Variants in FMNL2 observed in about 807,000 individuals in gnomAD.
The protein encoded by FMNL2 is formin-like protein 2.
Under a neutral mutation model 130.2 loss-of-function variants are expected in FMNL2, and 51 were observed. That is an observed-to-expected ratio of 0.39 (90% confidence interval 0.31 to 0.49). The LOEUF is 0.49. Ranked by LOEUF, FMNL2 falls within the 20% of genes least tolerant of loss-of-function variation. The probability of loss-of-function intolerance (pLI) is 0.85; values close to 1 mark genes in which losing one functional copy is unlikely to be tolerated. For synonymous variants in FMNL2, 465 were observed against 467.1 expected, an observed-to-expected ratio of 1.00 and a Z score of 0.06; for missense variants, 977 against 1,316.2, an observed-to-expected ratio of 0.74 and a Z score of 3.99.
At chr2:152,645,645 T>G (rs1683485244) in intron 25 of FMNL2, 1 of 482,224 alleles carries the variant, frequency 2.1e-6, no homozygotes. Flanking sequence ...GTACCTCACA[T>G]TCCAATGATG....
At chr2:152,604,624 C>T (rs1459639183) in intron 9 of FMNL2, among the ~76,000 whole-genome samples, 1 of 151,948 alleles carries the variant, frequency 6.6e-6, no homozygotes, top group Non-Finnish European at 1.5e-5. Context: ...GAGACAGAGT[C>T]TCACTTTGTC....
At position 152,386,607 on chromosome 2, in the gene FMNL2, A is replaced by G. The variant is rs115551377; in HGVS notation, c.117+50887A>G. 6.5e-3 allele frequency among the ~76,000 whole-genome samples: 987 copies of G among 152,178 alleles called. 11 individuals carry two copies. The highest frequency in any genetic ancestry group is 7.7e-3 in the Non-Finnish European group (524 of 68,006). ...TTGATTTTCATGCTTTTCACCTTAT[A>G]TGTGTCTATCTGTTTTCCCTCTAGG... On this transcript the variant is annotated intron_variant, in intron 1 of 25. Coordinates refer to ENST00000288670, the MANE Select transcript of FMNL2 (RefSeq NM_052905.4).
chr2:152,340,879 A>G (rs1040446648), intron 1 of FMNL2, among the ~76,000 whole-genome samples: 7 of 152,020 alleles, frequency 4.6e-5, no homozygotes, highest in Admixed American at 3.9e-4. Flanking sequence ...TTTAGTAGAG[A>G]TGGGGTTTCA....
At chr2:152,541,232 C>T (rs991242640) in intron 2 of FMNL2, among the ~76,000 whole-genome samples, 5 of 152,066 alleles carry the variant, frequency 3.3e-5, no homozygotes, top group Admixed American at 6.5e-5. Context: ...TCAGGGCTCA[C>T]TGCAGCCTTA....
At chr2:152,589,940 C>CATATATATAT (rs771625998) in intron 9 of FMNL2, among the ~76,000 whole-genome samples, 15 of 66,998 alleles carry the variant, frequency 2.2e-4, no homozygotes, top group Non-Finnish European at 3.3e-4. Context: ...TGGCTTTATA[C>CATATATATAT]ATATATATAT....
chr2:152,406,512 T>A (rs1333246095), intron 1 of FMNL2, among the ~76,000 whole-genome samples: 1 of 152,210 alleles, frequency 6.6e-6, no homozygotes, highest in East Asian at 1.9e-4. Context: ...AGATATTTGA[T>A]AGCTCCATCA....
intron 1 of FMNL2, among the ~76,000 whole-genome samples, chr2:152,395,547 AGATGT>A (rs1457874666): frequency 3.3e-5 from 5 of 152,220 alleles, no homozygotes; most frequent in Non-Finnish European, 7.3e-5. Flanking sequence ...AAGTTAAATT[AGATGT>A]GATGTGATTT....
Position 152,335,588 on chromosome 2 carries a change from C to T in FMNL2, c.-16C>T. ...TAGGGGCCCGGAGCAGCCCCCGGCC[C>T]CGGCGCGCCGCCGACATGGGCAACG... On this transcript the variant is annotated 5_prime_UTR_variant, in exon 1 of 26. Transcript: ENST00000288670. 1 of 1,579,912 alleles carries T rather than the reference C, an allele frequency of 6.3e-7. No individual in the cohort carries two copies. Among genetic ancestry groups the T allele is most frequent in the Non-Finnish European group, 8.6e-7 (1 of 1,162,494 alleles).
intron 1 of FMNL2, among the ~76,000 whole-genome samples, chr2:152,517,546 A>G (rs903825532): frequency 6.6e-6 from 1 of 152,328 alleles, no homozygotes; most frequent in East Asian, 1.9e-4. Context: ...ATGAGAGGGT[A>G]TGTCTTCCTG....
At chr2:152,393,703 A>T (rs947930624) in intron 1 of FMNL2, among the ~76,000 whole-genome samples, 3 of 152,088 alleles carry the variant, frequency 2.0e-5, no homozygotes, top group Non-Finnish European at 2.9e-5. Context: ...CTATTTATTT[A>T]TTGGGTCTTA....
chr2:152,354,200 TG>T (rs1371745695), intron 1 of FMNL2, among the ~76,000 whole-genome samples: 1 of 152,216 alleles, frequency 6.6e-6, no homozygotes, highest in Non-Finnish European at 1.5e-5. Context: ...CTGAGCAGCT[TG>T]TTCACAATGA....
intron 1 of FMNL2, among the ~76,000 whole-genome samples, chr2:152,487,989 T>A (rs1690930939): frequency 1.3e-5 from 2 of 152,116 alleles, no homozygotes; most frequent in South Asian, 4.1e-4. Flanking sequence ...GGTTTCACCA[T>A]GGCTGGTGTT....
At chr2:152,546,995 G>A (rs914921628) in intron 3 of FMNL2, among the ~76,000 whole-genome samples, 2 of 150,906 alleles carry the variant, frequency 1.3e-5, no homozygotes, top group Non-Finnish European at 2.9e-5. Flanking sequence ...ACCCCGGATG[G>A]AGTGCAGTGG....
chr2:152,409,637 C>T (rs1272938934), intron 1 of FMNL2, among the ~76,000 whole-genome samples: 1 of 152,154 alleles, frequency 6.6e-6, no homozygotes, highest in Non-Finnish European at 1.5e-5. Flanking sequence ...CTAATGGTGA[C>T]TCTGGGTACA....
At chr2:152,517,638 G>A (rs1692848455) in intron 1 of FMNL2, among the ~76,000 whole-genome samples, 1 of 152,138 alleles carries the variant, frequency 6.6e-6, no homozygotes, top group Admixed American at 6.5e-5. Flanking sequence ...GGAAAGAAAG[G>A]AACAATTTTA....
At chr2:152,461,234 TG>T (rs1338223222) in intron 1 of FMNL2, among the ~76,000 whole-genome samples, 1 of 152,268 alleles carries the variant, frequency 6.6e-6, no homozygotes, top group African/African-American at 2.4e-5. Flanking sequence ...GTTAGATAGA[TG>T]GTGAAGAAAA....
intron 25 of FMNL2, chr2:152,643,307 C>A: frequency 6.9e-7 from 1 of 1,450,648 alleles, no homozygotes; most frequent in Admixed American, 2.1e-5. Flanking sequence ...CCCATCTTCC[C>A]CACCCCCATC....
At chr2:152,391,553 T>C (rs1685107514) in intron 1 of FMNL2, among the ~76,000 whole-genome samples, 1 of 151,988 alleles carries the variant, frequency 6.6e-6, no homozygotes, top group Non-Finnish European at 1.5e-5. Context: ...GGAATAGAGC[T>C]GTGTGCCAGG....
chr2:152,540,601 T>C (rs1361409771), intron 2 of FMNL2, among the ~76,000 whole-genome samples: 6 of 148,756 alleles, frequency 4.0e-5, no homozygotes, highest in Admixed American at 1.4e-4. Flanking sequence ...AAATATAGAT[T>C]TTAAATAATA....
Sources: gnomAD v4.1 joint callset for allele counts (sites outside exome capture counted in the v4.1 genomes callset) on GRCh38, gnomAD v4.1.1 for gene constraint, MANE v1.5 for transcripts, NCBI Gene and HGNC (gene_info 2026-07-23, HGNC 2026-07-21) for gene names.